The following KAZN variants were observed in gnomAD, a reference collection of about 807,000 sequenced individuals.
The protein encoded by KAZN is kazrin, periplakin interacting protein, also known as kazrin.
In KAZN, 40 loss-of-function variants were observed where a neutral mutation model predicts 87.4. That is an observed-to-expected ratio of 0.46 (90% confidence interval 0.36 to 0.60). KAZN has a LOEUF of 0.60. Among genes scored for constraint, KAZN ranks in the 20% least tolerant of loss-of-function variants. The pLI is 0.00. For missense variants in KAZN, 898 were observed against 1,073.9 expected (o/e 0.84, Z 2.29); for synonymous variants, 466 against 458.3 (o/e 1.02, Z -0.22).
intron 2 of KAZN, among the ~76,000 whole-genome samples, chr1:14,246,314 T>G (rs1251935500): frequency 6.8e-6 from 1 of 147,726 alleles, no homozygotes; most frequent in African/African-American, 2.5e-5. Context: ...ATCCTGAGCA[T>G]GTACCCCAGA....
intron 2 of KAZN, among the ~76,000 whole-genome samples, chr1:14,583,930 A>G (rs1675700302): frequency 6.6e-6 from 1 of 152,196 alleles, no homozygotes; most frequent in South Asian, 2.1e-4. Flanking sequence ...GGCTGGATGG[A>G]AGCCCAGTGT....
chr1:13,997,834 G>A (rs142640779), intron 1 of KAZN, among the ~76,000 whole-genome samples: 1 of 152,092 alleles, frequency 6.6e-6, no homozygotes, highest in Non-Finnish European at 1.5e-5. Context: ...AACCCAGCAA[G>A]ACAGGCCAAC....
At chr1:14,728,086 G>C (rs1413748072) in intron 1 of KAZN, among the ~76,000 whole-genome samples, 3 of 151,614 alleles carry the variant, frequency 2.0e-5, no homozygotes, top group African/African-American at 7.3e-5. Context: ...AGGAGTTCGA[G>C]ACCAGCCTGG....
At chr1:14,338,315 G>A (rs1195281832) in intron 2 of KAZN, among the ~76,000 whole-genome samples, 3 of 149,896 alleles carry the variant, frequency 2.0e-5, no homozygotes, top group Non-Finnish European at 1.5e-5. Flanking sequence ...CTCCACTAAA[G>A]AAAAAAAAAT....
At chr1:14,571,656 A>G (rs1674872263) in intron 2 of KAZN, among the ~76,000 whole-genome samples, 1 of 152,154 alleles carries the variant, frequency 6.6e-6, no homozygotes, top group Admixed American at 6.5e-5. Flanking sequence ...AAAGGCAGCC[A>G]TCACGTTTGC....
intron 2 of KAZN, among the ~76,000 whole-genome samples, chr1:14,591,788 A>AG (rs1400415613): frequency 6.6e-6 from 1 of 152,098 alleles, no homozygotes; most frequent in Non-Finnish European, 1.5e-5. Context: ...GATATATACT[A>AG]GGGGGTGTGT....
chr1:13,996,052 CT>C (rs148591636), intron 1 of KAZN, among the ~76,000 whole-genome samples: 13,239 of 151,770 alleles, frequency 0.087, 750 homozygotes, highest in Middle Eastern at 0.13. Flanking sequence ...GACTAGGAGG[CT>C]GGCCTGATCC....
chr1:14,850,692 C>G (rs1649332318), intron 1 of KAZN, among the ~76,000 whole-genome samples: 1 of 152,094 alleles, frequency 6.6e-6, no homozygotes, highest in South Asian at 2.1e-4. Context: ...TGGCACAGAC[C>G]AGGCCAGCAG....
chr1:15,076,020 G>A (rs532940554), intron 8 of KAZN, among the ~76,000 whole-genome samples: 70 of 152,312 alleles, frequency 4.6e-4, no homozygotes, highest in Admixed American at 1.8e-3. Context: ...TGCTATACTA[G>A]GCCAGCTTCC....
At chr1:14,583,921 G>C (rs1397608999) in intron 2 of KAZN, among the ~76,000 whole-genome samples, 1 of 152,160 alleles carries the variant, frequency 6.6e-6, no homozygotes, top group African/African-American at 2.4e-5. Context: ...GGAAGTCAAG[G>C]CTGGATGGAA....
chr1:14,528,768 AAAAT>A (rs1672050322), intron 2 of KAZN, among the ~76,000 whole-genome samples: 1 of 151,384 alleles, frequency 6.6e-6, no homozygotes, highest in African/African-American at 2.4e-5. Context: ...AAAAAAAAAA[AAAAT>A]AGACAGCTCT....
chr1:13,939,556 G>A (rs6683690), intron 1 of KAZN, among the ~76,000 whole-genome samples: 116,921 of 152,104 alleles, frequency 0.77, 45,181 homozygotes, highest in South Asian at 0.92. Context: ...TCATCTTTCT[G>A]TCTTCTTCTG....
chr1:14,029,906 T>A (rs986307103), intron 1 of KAZN, among the ~76,000 whole-genome samples: 1 of 152,208 alleles, frequency 6.6e-6, no homozygotes. Context: ...AGTCAGGTAG[T>A]GTGATGCCTC....
intron 2 of KAZN, among the ~76,000 whole-genome samples, chr1:14,461,469 A>G (rs1008991091): frequency 6.6e-6 from 1 of 152,150 alleles, no homozygotes; most frequent in Non-Finnish European, 1.5e-5. Context: ...ACCTTCTGCC[A>G]TGATTGTGAA....
At chr1:14,477,365 G>A (rs75823427) in intron 2 of KAZN, among the ~76,000 whole-genome samples, 3,942 of 151,914 alleles carry the variant, frequency 0.026, 58 homozygotes, top group Non-Finnish European at 0.032. Context: ...TCCCAGCTTC[G>A]GGTACGTCTT....
chr1:15,101,559 G>C lies in KAZN; in HGVS notation c.1564G>C (p.Glu522Gln), dbSNP rs374605023. 2.6e-6 allele frequency: 4 copies of C among 1,552,014 alleles called. No homozygotes were observed. The African/African-American group carries it at 5.5e-5, about 21-fold the overall frequency. The change falls in exon 11 of 15, where the codon GAG becomes CAG. Residue 522 changes from glutamate (E) to glutamine (Q), a missense_variant. Glu to Gln is a conservative substitution (Grantham distance 29). Around this residue, in one of 3 missense-constraint regions of KAZN, gnomAD observed 521 missense variants for 689.4 expected, o/e 0.76. Transcript: ENST00000376030. ...CCTCCCCAGCCTGTCCAAAGCTGCC[G>C]AGCTGGACCATCACTGGGTGGCCAA... The part of the protein sequence containing the change: ...EAGRSLSKAA[E>Q]LDHHWVAKAW...
intron 2 of KAZN, among the ~76,000 whole-genome samples, chr1:14,989,475 CAAAAAAA>C (rs765893805): frequency 1.5e-4 from 23 of 151,706 alleles, no homozygotes; most frequent in Non-Finnish European, 2.9e-4. Context: ...GCCTCTGTTT[CAAAAAAA>C]GAAAAAAGAA....
rs116445196 is a variant in KAZN at position 14,183,060 on chromosome 1, C to A, written c.249+2468C>A. Among the ~76,000 whole-genome samples the A allele has an allele frequency of 2.6e-5, 4 of 152,170 alleles. No homozygotes were observed. In the East Asian group the frequency reaches 7.7e-4, roughly 29 times the overall value. ...AACACTCTGACATCAGCTTGCAAGTCGAATGAAGTCAGGCAAAAAGTGTTC... is the reference window on the plus strand; with the variant it reads ...AACACTCTGACATCAGCTTGCAAGTAGAATGAAGTCAGGCAAAAAGTGTTC... On this transcript the variant is annotated intron_variant, in intron 2 of 16. Coordinates refer to the KAZN transcript ENST00000636203.
intron 2 of KAZN, among the ~76,000 whole-genome samples, chr1:14,968,257 C>G (rs1303862585): frequency 6.6e-6 from 1 of 152,032 alleles, no homozygotes; most frequent in East Asian, 1.9e-4. Context: ...GCGCAGTTCA[C>G]AAGAGGGTTC....
Sources: allele counts gnomAD v4.1 joint callset (sites outside exome capture counted in the v4.1 genomes callset), GRCh38; gene constraint gnomAD v4.1.1; regional missense constraint gnomAD v4.1.1; transcripts MANE v1.5; gene names NCBI Gene and HGNC (gene_info 2026-07-23, HGNC 2026-07-21).